The following SNTB1 variants were observed in gnomAD, a reference collection of about 807,000 sequenced individuals.
SNTB1 encodes the protein beta-1-syntrophin.
Under a neutral mutation model 48.9 loss-of-function variants are expected in SNTB1, and 36 were observed. The ratio of observed to expected loss-of-function variants is 0.74; its 90% CI spans 0.56 to 0.97. SNTB1 has a LOEUF of 0.97. Ranked by LOEUF, SNTB1 falls within the 50% of genes least tolerant of loss-of-function variation. The pLI, the probability that SNTB1 is intolerant of heterozygous loss-of-function variation, is 0.00. For missense variants in SNTB1, 786 were observed against 703.4 expected, an observed-to-expected ratio of 1.12 and a Z score of -1.33; for synonymous variants, 299 against 294.6, an observed-to-expected ratio of 1.01 and a Z score of -0.15.
intron 1 of SNTB1, among the ~76,000 whole-genome samples, chr8:120,718,260 T>C (rs185916781): frequency 1.4e-3 from 216 of 152,358 alleles, no homozygotes; most frequent in African/African-American, 4.9e-3. Flanking sequence ...ACTGTGCCAC[T>C]GCTTTCAGAA....
chr8:120,739,144 A>G (rs541337632), intron 1 of SNTB1, among the ~76,000 whole-genome samples: 29 of 152,346 alleles, frequency 1.9e-4, no homozygotes, highest in Non-Finnish European at 3.1e-4. Flanking sequence ...ATTTCAAGAG[A>G]AAACAGAGTT....
chr8:120,672,651 G>A (rs1214491202), intron 2 of SNTB1, among the ~76,000 whole-genome samples: 3 of 152,338 alleles, frequency 2.0e-5, no homozygotes, highest in Admixed American at 1.3e-4. Context: ...TCAAAGGCAC[G>A]AAGTGACTTA....
intron 2 of SNTB1, among the ~76,000 whole-genome samples, chr8:120,691,186 C>T (rs978206344): frequency 3.9e-5 from 6 of 152,268 alleles, no homozygotes; most frequent in African/African-American, 1.4e-4. Flanking sequence ...GCTGTTGTAG[C>T]ATATAAGTCT....
At chr8:120,681,483 G>T (rs989239271) in intron 2 of SNTB1, among the ~76,000 whole-genome samples, 4 of 152,130 alleles carry the variant, frequency 2.6e-5, no homozygotes, top group African/African-American at 9.7e-5. Flanking sequence ...ACCTGCATGG[G>T]CTCAGAACCT....
At chr8:120,576,031 C>CT (rs2130687768) in intron 3 of SNTB1, among the ~76,000 whole-genome samples, 1 of 152,324 alleles carries the variant, frequency 6.6e-6, no homozygotes, top group African/African-American at 2.4e-5. Context: ...TAGGATACAT[C>CT]TTTAAGCTCG....
At position 120,575,175 on chromosome 8, in the gene SNTB1, A is replaced by C. The variant is rs1437511875; in HGVS notation, c.1047T>G (p.Thr349=). 6.2e-7 allele frequency: 1 copy of C among 1,614,156 alleles called. No individual in the cohort carries two copies. The highest frequency in any genetic ancestry group is 1.1e-5 in the South Asian group (1 of 91,082). ...TGTCATAGATTAAAAGGTCTTTCTC[A>C]GTCAGCACAACCAGGGCTGGTTTCC... ...KQWKPALVVL[T]EKDLLIYDSM... is the part of the protein sequence containing the mutation. Residue 349 remains threonine (T), a synonymous_variant, in exon 4 of 7, where the codon ACT becomes ACG. Transcript: ENST00000517992.
At chr8:120,571,950 C>T (rs1815862167) in intron 4 of SNTB1, among the ~76,000 whole-genome samples, 1 of 152,066 alleles carries the variant, frequency 6.6e-6, no homozygotes, top group Non-Finnish European at 1.5e-5. Context: ...CTGAAAACCT[C>T]CTCTATTCAC....
intron 3 of SNTB1, among the ~76,000 whole-genome samples, chr8:120,600,480 T>C (rs555607964): frequency 1.7e-4 from 26 of 152,318 alleles, no homozygotes; most frequent in African/African-American, 5.5e-4. Flanking sequence ...GAGCAGAAGT[T>C]CTTTCCGGCT....
At chr8:120,559,366 A>G (rs1387595199) in intron 4 of SNTB1, among the ~76,000 whole-genome samples, 1 of 152,234 alleles carries the variant, frequency 6.6e-6, no homozygotes, top group Non-Finnish European at 1.5e-5. Flanking sequence ...TTTTACATTC[A>G]TGGTCAGCAT....
At chr8:120,591,086 A>G (rs1816233173) in intron 3 of SNTB1, among the ~76,000 whole-genome samples, 1 of 152,194 alleles carries the variant, frequency 6.6e-6, no homozygotes, top group African/African-American at 2.4e-5. Context: ...AGAAGTAGGT[A>G]CCACACAAAA....
chr8:120,592,675 C>A (rs1563826192), intron 3 of SNTB1, among the ~76,000 whole-genome samples: 1 of 152,014 alleles, frequency 6.6e-6, no homozygotes, highest in Non-Finnish European at 1.5e-5. Context: ...TTTAGGCTGG[C>A]AGAGAGGACA....
At chr8:120,780,728 G>GAC (rs1819818134) in intron 1 of SNTB1, among the ~76,000 whole-genome samples, 1 of 152,150 alleles carries the variant, frequency 6.6e-6, no homozygotes, top group Admixed American at 6.5e-5. Context: ...ATGATCAACT[G>GAC]ACATCTTCAT....
At chr8:120,724,315 T>C (rs1332219210) in intron 1 of SNTB1, among the ~76,000 whole-genome samples, 1 of 152,224 alleles carries the variant, frequency 6.6e-6, no homozygotes, top group East Asian at 1.9e-4. Context: ...TTAGTTCCAT[T>C]ACATGCCTTC....
At position 120,575,055 on chromosome 8, in the gene SNTB1, C is replaced by T. The variant is rs760719104; in HGVS notation, c.1136+31G>A. The stretch of plus-strand genomic sequence containing the variant: ...TCATTAAATAGAATCCACCTGCAAA[C>T]ACATCATACCAAACACAAGGCCATG... On this transcript the variant is annotated intron_variant, in intron 4 of 6. Coordinates refer to ENST00000517992, the MANE Select transcript of SNTB1 (RefSeq NM_021021.4). The T allele has an allele frequency of 5.6e-6, 9 of 1,613,866 alleles. No homozygotes were observed. In the South Asian group the frequency reaches 9.9e-5, roughly 18 times the overall value.
chr8:120,682,423 T>C (rs924970896), intron 2 of SNTB1, among the ~76,000 whole-genome samples: 2 of 152,342 alleles, frequency 1.3e-5, no homozygotes, highest in Non-Finnish European at 1.5e-5. Context: ...TCACTATATA[T>C]GCTTAAAAAT....
At chr8:120,578,751 G>C (rs1376886393) in intron 3 of SNTB1, among the ~76,000 whole-genome samples, 1 of 152,214 alleles carries the variant, frequency 6.6e-6, no homozygotes, top group Non-Finnish European at 1.5e-5. Context: ...GTGGTAAGAA[G>C]TAATTGGTAA....
intron 1 of SNTB1, among the ~76,000 whole-genome samples, chr8:120,707,663 AG>A (rs1373700538): frequency 6.6e-5 from 10 of 152,198 alleles, no homozygotes; most frequent in Admixed American, 2.0e-4. Flanking sequence ...AACAATAAAA[AG>A]GTAGGCAAAT....
At chr8:120,572,765 A>AAAG (rs1815879292) in intron 4 of SNTB1, among the ~76,000 whole-genome samples, 1 of 152,004 alleles carries the variant, frequency 6.6e-6, no homozygotes, top group Admixed American at 6.6e-5. Flanking sequence ...ACAAACAAAA[A>AAAG]TTAGCCGGGC....
chr8:120,686,057 C>G (rs1201373978), intron 2 of SNTB1, among the ~76,000 whole-genome samples: 1 of 152,216 alleles, frequency 6.6e-6, no homozygotes, highest in African/African-American at 2.4e-5. Flanking sequence ...TACCAATATT[C>G]TGACCATGGC....
Sources: gnomAD v4.1 joint callset for allele counts (sites outside exome capture counted in the v4.1 genomes callset) on GRCh38, gnomAD v4.1.1 for gene constraint, MANE v1.5 for transcripts, NCBI Gene and HGNC (gene_info 2026-07-23, HGNC 2026-07-21) for gene names.